The following SDK1 variants were observed in gnomAD, a reference collection of about 807,000 sequenced individuals.
The protein encoded by SDK1 is sidekick cell adhesion molecule 1, also known as protein sidekick-1.
SDK1 carries 157 observed loss-of-function variants against 245.5 expected under a neutral mutation model. The observed-to-expected ratio is 0.64, with a 90% CI of 0.56 to 0.73. The LOEUF (loss-of-function observed/expected upper bound fraction) is 0.73. SDK1 is among the 30% of genes least tolerant of loss of function. The pLI is 0.00. For synonymous variants in SDK1, 1,647 were observed against 1,278.5 expected, an observed-to-expected ratio of 1.29 and a Z score of -6.15; for missense variants, 3,583 against 3,002.3, an observed-to-expected ratio of 1.19 and a Z score of -4.52.
intron 25 of SDK1, among the ~76,000 whole-genome samples, chr7:4,117,448 A>G (rs1028231211): frequency 6.6e-6 from 1 of 152,214 alleles, no homozygotes; most frequent in South Asian, 2.1e-4. Context: ...AGCCTGGCCA[A>G]CGGAGCAGGT....
chr7:3,443,736 G>A (rs1411249787), intron 1 of SDK1, among the ~76,000 whole-genome samples: 1 of 152,206 alleles, frequency 6.6e-6, no homozygotes, highest in African/African-American at 2.4e-5. Context: ...CTTGAAGATA[G>A]TAAATCTGTT....
At chr7:3,577,956 C>A (rs1780347791) in intron 1 of SDK1, among the ~76,000 whole-genome samples, 2 of 151,998 alleles carry the variant, frequency 1.3e-5, no homozygotes, top group African/African-American at 4.8e-5. Context: ...TTAGAAGGAG[C>A]AAGAGCTGAG....
intron 22 of SDK1, among the ~76,000 whole-genome samples, chr7:4,087,256 C>T (rs1319748139): frequency 1.3e-5 from 2 of 152,120 alleles, no homozygotes; most frequent in African/African-American, 4.8e-5. Flanking sequence ...TACGTAATTG[C>T]CTCAGTGCCA....
intron 4 of SDK1, among the ~76,000 whole-genome samples, chr7:3,775,037 G>A (rs1780513419): frequency 2.0e-5 from 3 of 152,172 alleles, no homozygotes; most frequent in Admixed American, 2.0e-4. Context: ...CTGATCGATG[G>A]CAGGGTCAGC....
intron 4 of SDK1, among the ~76,000 whole-genome samples, chr7:3,781,200 T>A (rs962070460): frequency 1.3e-5 from 2 of 152,128 alleles, no homozygotes; most frequent in Admixed American, 1.3e-4. Context: ...CCTGCCCAAC[T>A]GTAGATCTCA....
intron 29 of SDK1, among the ~76,000 whole-genome samples, chr7:4,147,940 C>T (rs557132923): frequency 1.3e-5 from 2 of 152,310 alleles, no homozygotes; most frequent in African/African-American, 2.4e-5. Flanking sequence ...AGCAGGTCCT[C>T]TTATTTCCCC....
intron 19 of SDK1, among the ~76,000 whole-genome samples, chr7:4,052,673 A>T (rs139478257): frequency 6.6e-6 from 1 of 152,178 alleles, no homozygotes; most frequent in South Asian, 2.1e-4. Flanking sequence ...ACGTCACACA[A>T]ATTTAAGACT....
At chr7:3,789,827 C>A (rs1448483401) in intron 4 of SDK1, among the ~76,000 whole-genome samples, 1 of 151,812 alleles carries the variant, frequency 6.6e-6, no homozygotes, top group Non-Finnish European at 1.5e-5. Context: ...AGGAGCTGAC[C>A]AGCGGAACGG....
chr7:3,383,544 C>T (rs1457705798), intron 1 of SDK1, among the ~76,000 whole-genome samples: 1 of 152,184 alleles, frequency 6.6e-6, no homozygotes, highest in East Asian at 1.9e-4. Flanking sequence ...ATTTGAGACA[C>T]TTAAAAAGTA....
intron 5 of SDK1, among the ~76,000 whole-genome samples, chr7:3,838,480 G>C (rs202236827): frequency 1.3e-5 from 2 of 152,356 alleles, no homozygotes; most frequent in East Asian, 3.9e-4. Flanking sequence ...TCCTGGCAAA[G>C]GGGAGCACAA....
chr7:3,985,496 G>A (rs1306608869), intron 13 of SDK1, among the ~76,000 whole-genome samples: 2 of 152,154 alleles, frequency 1.3e-5, no homozygotes, highest in Admixed American at 6.5e-5. Context: ...AAATAGAAAT[G>A]ACAGCTCTGC....
intron 8 of SDK1, 129 bp from the exon 9 acceptor site, chr7:3,962,528 G>T (rs1038954474): frequency 1.3e-5 from 10 of 762,622 alleles, no homozygotes; most frequent in African/African-American, 3.5e-5. Context: ...CTTATAGGGT[G>T]GTTGAAAGCA....
intron 16 of SDK1, among the ~76,000 whole-genome samples, chr7:4,016,083 C>T (rs779310322): frequency 3.9e-5 from 6 of 152,366 alleles, no homozygotes; most frequent in East Asian, 1.9e-4. Flanking sequence ...CCGGTCCACG[C>T]GTGTCTGTCT....
chr7:4,077,243 C>T (rs111591779), intron 21 of SDK1, 54 bp downstream of exon 21: 18,435 of 1,544,840 alleles, frequency 0.012, 181 homozygotes, highest in South Asian at 0.028. Flanking sequence ...TGGAGATTCC[C>T]GAGGCTAGAA....
At chr7:3,839,435 G>C (rs1164109828) in intron 5 of SDK1, among the ~76,000 whole-genome samples, 1 of 152,178 alleles carries the variant, frequency 6.6e-6, no homozygotes, top group Non-Finnish European at 1.5e-5. Context: ...TAAAAATAAT[G>C]TTTGATGATA....
Position 4,149,360 on chromosome 7 carries a change from C to G in SDK1, c.4522C>G (p.Pro1508Ala), listed in dbSNP as rs1780198555. 9 of 1,592,900 alleles carry G rather than the reference C, an allele frequency of 5.7e-6. No homozygotes were observed. The highest frequency in any genetic ancestry group is 7.7e-6 in the Non-Finnish European group (9 of 1,170,096). The change falls in exon 30 of 45, where the codon CCC becomes GCC. Residue 1508 changes from proline (P) to alanine (A), a missense_variant. Transcript: ENST00000404826. ...QWVPGSDGASPIRYFTMQVRE... is the reference protein window; with the variant it reads ...QWVPGSDGASAIRYFTMQVRE... ...GGTCCCGGGCAGCGACGGGGCCTCC[C>G]CCATCCGGTACTTCACCATGCAGGT...
intron 34 of SDK1, among the ~76,000 whole-genome samples, chr7:4,177,759 A>T (rs1378957238): frequency 5.3e-5 from 8 of 152,204 alleles, no homozygotes; most frequent in Non-Finnish European, 7.3e-5. Context: ...TATTTCCATT[A>T]TTAGTACATC....
intron 5 of SDK1, among the ~76,000 whole-genome samples, chr7:3,918,765 C>G (rs1268614758): frequency 6.6e-6 from 1 of 152,152 alleles, no homozygotes; most frequent in African/African-American, 2.4e-5. Context: ...ACTCAGGTCT[C>G]TGCAGGAAAT....
intron 2 of SDK1, among the ~76,000 whole-genome samples, chr7:3,628,269 T>C (rs1180060480): frequency 6.6e-6 from 1 of 152,160 alleles, no homozygotes; most frequent in Non-Finnish European, 1.5e-5. Flanking sequence ...TTATCTCCAG[T>C]TGCATATTTT....
Sources: allele counts gnomAD v4.1 joint callset (sites outside exome capture counted in the v4.1 genomes callset), GRCh38; gene constraint gnomAD v4.1.1; transcripts MANE v1.5; gene names NCBI Gene and HGNC (gene_info 2026-07-23, HGNC 2026-07-21).